The following CSMD1 variants were observed in gnomAD, a reference collection of about 807,000 sequenced individuals.
The protein encoded by CSMD1 is CUB and sushi domain-containing protein 1.
A neutral mutation model predicts 417.5 loss-of-function variants in CSMD1; 213 were observed. The observed-to-expected ratio is 0.51, with a 90% CI of 0.46 to 0.57. The LOEUF (loss-of-function observed/expected upper bound fraction) is 0.57. Among genes scored for constraint, CSMD1 ranks in the 20% least tolerant of loss-of-function variants. The probability of loss-of-function intolerance (pLI) is 0.00; values close to 1 mark genes in which losing one functional copy is unlikely to be tolerated. For synonymous variants in CSMD1, 2,862 were observed against 1,736.8 expected, an observed-to-expected ratio of 1.65 and a Z score of -16.11; for missense variants, 6,923 against 4,529.7, an observed-to-expected ratio of 1.53 and a Z score of -15.17.
chr8:4,411,648 CTAATT>C (rs1414598850), intron 3 of CSMD1, among the ~76,000 whole-genome samples: 1 of 151,988 alleles, frequency 6.6e-6, no homozygotes, highest in Admixed American at 6.6e-5. Context: ...CTTCTCAAAC[CTAATT>C]TATTTTCACA....
In CSMD1 at chr8:4,298,086, C is replaced by A. The variant is rs564071825; in HGVS notation, c.415+121867G>T. ...ATGCTAGCGTCTCTCTGGTGAAAAC[C>A]CAGGGTATAAAGGACCTGGAGAACA... On this transcript the variant is annotated intron_variant, in intron 3 of 69. Coordinates refer to ENST00000635120, the MANE Select transcript of CSMD1 (RefSeq NM_033225.6). 6.6e-5 allele frequency among the ~76,000 whole-genome samples: 10 copies of A among 152,124 alleles called. No individual in the cohort carries two copies. In the South Asian group the frequency reaches 2.1e-3, roughly 31 times the overall value.
At chr8:4,378,654 C>T (rs758993223) in intron 3 of CSMD1, among the ~76,000 whole-genome samples, 6 of 152,290 alleles carry the variant, frequency 3.9e-5, no homozygotes, top group Non-Finnish European at 8.8e-5. Flanking sequence ...ATAGCAGCTG[C>T]TGGTTTAATC....
chr8:3,332,052 A>G (rs1806934379), intron 23 of CSMD1, among the ~76,000 whole-genome samples: 1 of 152,376 alleles, frequency 6.6e-6, no homozygotes, highest in Admixed American at 6.5e-5. Context: ...TAGATCATAG[A>G]TTATCAATCA....
At position 4,227,454 on chromosome 8, in the gene CSMD1, C is replaced by G. The variant is rs1235007758; in HGVS notation, c.415+192499G>C. 2.0e-5 allele frequency among the ~76,000 whole-genome samples: 3 copies of G among 152,114 alleles called. No individual in the cohort carries two copies. The Middle Eastern group carries it at 9.5e-3, about 481-fold the overall frequency. ...TGGTCAAAGCCTAGTGTATGACATT[C>G]AGAACAAGAAAAGTTTCTGAGGAGT... On this transcript the variant is annotated intron_variant, in intron 3 of 69. Coordinates refer to ENST00000635120, the MANE Select transcript of CSMD1 (RefSeq NM_033225.6).
chr8:4,898,723 G>C (rs1804666425), intron 1 of CSMD1, among the ~76,000 whole-genome samples: 1 of 152,256 alleles, frequency 6.6e-6, no homozygotes, highest in East Asian at 1.9e-4. Context: ...TATAGTCCTT[G>C]AAAACCTCTC....
chr8:3,287,554 C>G (rs915161981), intron 25 of CSMD1, among the ~76,000 whole-genome samples: 2 of 152,070 alleles, frequency 1.3e-5, no homozygotes, highest in Non-Finnish European at 2.9e-5. Flanking sequence ...ATTTTATTCT[C>G]TTTGAAGCAA....
chr8:4,175,647 G>C (rs1397130593), intron 3 of CSMD1, among the ~76,000 whole-genome samples: 1 of 152,106 alleles, frequency 6.6e-6, no homozygotes, highest in Non-Finnish European at 1.5e-5. Context: ...AAAACTTGAA[G>C]TCAGAACTAT....
At chr8:3,863,133 A>G (rs1360523778) in intron 5 of CSMD1, among the ~76,000 whole-genome samples, 4 of 152,062 alleles carry the variant, frequency 2.6e-5, no homozygotes, top group Non-Finnish European at 5.9e-5. Context: ...CGCGGTGGCT[A>G]ATGCCTGTAA....
At chr8:3,623,615 C>G (rs1287725983) in intron 7 of CSMD1, among the ~76,000 whole-genome samples, 2 of 152,124 alleles carry the variant, frequency 1.3e-5, no homozygotes, top group African/African-American at 4.8e-5. Flanking sequence ...TCCTTATAAT[C>G]AGGCTATGAA....
In CSMD1 at chr8:4,138,972, C is replaced by G. The variant is rs144099839; in HGVS notation, c.416-106873G>C. 2.3e-3 allele frequency among the ~76,000 whole-genome samples: 353 copies of G among 152,282 alleles called. 1 individual carries two copies. The highest frequency in any genetic ancestry group is 8.3e-3 in the African/African-American group (347 of 41,560). On this transcript the variant is annotated intron_variant, in intron 3 of 69. Coordinates refer to ENST00000635120, the MANE Select transcript of CSMD1 (RefSeq NM_033225.6). ...ACATTGTCGAACACTCGCCATGCATCTTTCCTGAGCTGTGGGTTGACTGTA... is the reference window on the plus strand; with the variant it reads ...ACATTGTCGAACACTCGCCATGCATGTTTCCTGAGCTGTGGGTTGACTGTA...
rs555128001 is a variant in CSMD1 at position 4,242,078 on chromosome 8, A to G, written c.415+177875T>C. ...AAAGGGTAAATTAACCTTTATCACC[A>G]GGCAGAATTTTTGCATCATCATGAA... On this transcript the variant is annotated intron_variant, in intron 3 of 69. Transcript: ENST00000635120. Among the ~76,000 whole-genome samples the G allele has an allele frequency of 4.6e-4, 70 of 152,316 alleles. No homozygotes were observed. The East Asian group carries it at 0.012, about 26-fold the overall frequency.
At chr8:3,959,645 C>T (rs997766969) in intron 5 of CSMD1, among the ~76,000 whole-genome samples, 9 of 152,140 alleles carry the variant, frequency 5.9e-5, no homozygotes, top group African/African-American at 2.2e-4. Flanking sequence ...ATGTTTTTGC[C>T]ATGCTTTCTC....
intron 3 of CSMD1, among the ~76,000 whole-genome samples, chr8:4,044,314 A>G (rs533510305): frequency 9.2e-5 from 14 of 152,358 alleles, no homozygotes; most frequent in African/African-American, 3.4e-4. Flanking sequence ...CTGAAAATTG[A>G]TGCAACACTT....
intron 1 of CSMD1, among the ~76,000 whole-genome samples, chr8:4,718,783 A>C (rs1000447270): frequency 6.6e-6 from 1 of 152,072 alleles, no homozygotes; most frequent in Non-Finnish European, 1.5e-5. Flanking sequence ...AAAGCAATAG[A>C]AACTTAAAAT....
In CSMD1 at chr8:3,291,324, G is replaced by A. The variant is rs75626443; in HGVS notation, c.3951-6978C>T. ...GTCTCTGTCAGGCTTTGCTTTCAGG[G>A]TGATGCTGGCCCCATAAAATAAGTT... is the stretch of plus-strand genomic sequence containing the variant. On this transcript the variant is annotated intron_variant, in intron 25 of 69. Coordinates refer to ENST00000635120, the MANE Select transcript of CSMD1 (RefSeq NM_033225.6). 3.1e-3 allele frequency among the ~76,000 whole-genome samples: 469 copies of A among 149,834 alleles called. 13 individuals are homozygous for A. In the East Asian group the frequency reaches 0.08, roughly 26 times the overall value.
At chr8:4,015,128 C>G (rs547534474) in intron 4 of CSMD1, among the ~76,000 whole-genome samples, 114 of 152,264 alleles carry the variant, frequency 7.5e-4, no homozygotes, top group African/African-American at 2.7e-3. Flanking sequence ...TTGTCTAAAA[C>G]TACTCAAAAA....
chr8:4,109,322 A>C (rs536238981), intron 3 of CSMD1, among the ~76,000 whole-genome samples: 1 of 152,246 alleles, frequency 6.6e-6, no homozygotes, highest in South Asian at 2.1e-4. Flanking sequence ...TATATTCCTC[A>C]AAGCTGAGCT....
intron 1 of CSMD1, among the ~76,000 whole-genome samples, chr8:4,952,934 C>G (rs967998301): frequency 6.6e-6 from 1 of 152,080 alleles, no homozygotes; most frequent in Non-Finnish European, 1.5e-5. Flanking sequence ...CTACATACTA[C>G]AAGACATGGC....
chr8:4,211,490 C>G (rs916861886), intron 3 of CSMD1, among the ~76,000 whole-genome samples: 4 of 152,286 alleles, frequency 2.6e-5, no homozygotes, highest in African/African-American at 4.8e-5. Flanking sequence ...GAAAATTTCA[C>G]TGGGTGTTTG....
Sources: allele counts gnomAD v4.1 joint callset (sites outside exome capture counted in the v4.1 genomes callset), GRCh38; gene constraint gnomAD v4.1.1; transcripts MANE v1.5; gene names NCBI Gene and HGNC (gene_info 2026-07-23, HGNC 2026-07-21).